The following PCDHA3 variants were observed in gnomAD, a reference collection of about 807,000 sequenced individuals.
PCDHA3 encodes the protein protocadherin alpha-3.
In PCDHA3, 41 loss-of-function variants were observed where a neutral mutation model predicts 62.2. The observed-to-expected ratio is 0.66, with a 90% CI of 0.51 to 0.86. PCDHA3 has a LOEUF of 0.86. Ranked by LOEUF, PCDHA3 falls within the 40% of genes least tolerant of loss-of-function variation. The pLI is 0.00. For synonymous variants in PCDHA3, 640 were observed against 555.4 expected (o/e 1.15, Z -2.14); for missense variants, 1,304 against 1,241.2 (o/e 1.05, Z -0.76).
In PCDHA3 at chr5:140,801,978, G is replaced by T. The variant is rs1199727898; in HGVS notation, c.781G>T (p.Val261Leu). Residue 261 changes from valine to leucine, a missense_variant, in exon 1 of 4, where the codon GTG becomes TTG. By Grantham distance (32) the Val-to-Leu change is conservative. Coordinates refer to ENST00000522353, the MANE Select transcript of PCDHA3 (RefSeq NM_018906.3). ...LLENAPNGTL[V>L]VTVNATDLDE... ...CGAAAATGCACCAAATGGTACCCTA[G>T]TGGTGACCGTTAACGCCACCGATTT... 1.2e-6 allele frequency: 2 copies of T among 1,614,070 alleles called. No homozygotes were observed. Among genetic ancestry groups the T allele is most frequent in the Non-Finnish European group, 1.7e-6 (2 of 1,180,048 alleles).
intron 1 of PCDHA3, among the ~76,000 whole-genome samples, chr5:140,889,948 A>G (rs956594809): frequency 6.6e-6 from 1 of 152,194 alleles, no homozygotes; most frequent in Admixed American, 6.6e-5. Flanking sequence ...TGAGAAGCCA[A>G]ATGGATAGAA....
chr5:140,968,089 C>T lies in PCDHA3; in HGVS notation c.2395-10860C>T, dbSNP rs546330069. ...CTGTCTACAACATCACGGTGACAGC[C>T]ACAGATGGGGGAATACCGCAGCTCA... On this transcript the variant is annotated intron_variant, in intron 1 of 3. Transcript: ENST00000522353. 120 of 1,614,126 alleles carry T rather than the reference C, an allele frequency of 7.4e-5. 1 individual carries two copies. The South Asian group carries it at 1.2e-3, about 16-fold the overall frequency.
rs139314570 is a variant in PCDHA3, at chr5:140,952,780, A to G, written c.2395-26169A>G. 2.0e-3 allele frequency among the ~76,000 whole-genome samples: 310 copies of G among 152,316 alleles called. 3 individuals are homozygous for G. The highest frequency in any genetic ancestry group is 7.3e-3 in the African/African-American group (302 of 41,572). On this transcript the variant is annotated intron_variant, in intron 1 of 3. Transcript: ENST00000522353. ...CTGAGACTGGATAATTTAGAAAGAA[A>G]AGAGGTTTAACTGGCTCGCAGTTCT... is the stretch of plus-strand genomic sequence containing the variant.
intron 2 of PCDHA3, 123 bp from the exon 3 acceptor site, chr5:140,982,352 G>A (rs1554244046): frequency 4.0e-6 from 6 of 1,507,640 alleles, no homozygotes; most frequent in Non-Finnish European, 5.3e-6. Context: ...TTCAGTTCAA[G>A]CATGAGCAGA....
intron 1 of PCDHA3, among the ~76,000 whole-genome samples, chr5:140,872,228 T>C (rs2053555588): frequency 6.6e-6 from 1 of 152,222 alleles, no homozygotes. Context: ...CAATCTTTAC[T>C]TTTGTCTTTA....
At chr5:140,877,109 G>T (rs370191624) in intron 1 of PCDHA3, 1 of 1,613,590 alleles carries the variant, frequency 6.2e-7, no homozygotes, top group South Asian at 1.1e-5. Flanking sequence ...CCGCCTCTGG[G>T]CAGCAACGTG....
intron 1 of PCDHA3, chr5:140,875,853 C>T (rs2055871558): frequency 6.2e-7 from 1 of 1,614,162 alleles, no homozygotes; most frequent in African/African-American, 1.3e-5. Flanking sequence ...AGGACATTAA[C>T]GACAACCCGC....
rs551502223 is a variant in PCDHA3 at position 140,976,924 on chromosome 5, T to G, written c.2395-2025T>G. ...TGTAATAAAGTGCAAAATCTAGTAC[T>G]GTGTAGCTACTTAAAACATATTATA... is the stretch of plus-strand genomic sequence containing the variant. On this transcript the variant is annotated intron_variant, in intron 1 of 3. Coordinates refer to ENST00000522353, the MANE Select transcript of PCDHA3 (RefSeq NM_018906.3). 1.6e-4 allele frequency among the ~76,000 whole-genome samples: 25 copies of G among 152,364 alleles called. No homozygotes were observed. In the South Asian group the frequency reaches 5.2e-3, roughly 32 times the overall value.
intron 1 of PCDHA3, chr5:140,876,863 T>C (rs1225401565): frequency 4.3e-6 from 7 of 1,613,806 alleles, no homozygotes; most frequent in Non-Finnish European, 5.1e-6. Flanking sequence ...ACAGTGTTCG[T>C]GAAGGAGAAC....
At chr5:140,989,865 C>T (rs1209207256) in intron 3 of PCDHA3, among the ~76,000 whole-genome samples, 1 of 152,034 alleles carries the variant, frequency 6.6e-6, no homozygotes, top group Non-Finnish European at 1.5e-5. Flanking sequence ...AGGAATCTTT[C>T]TCTGCCTCAG....
At position 140,944,452 on chromosome 5, in the gene PCDHA3, G is replaced by A. The variant is rs147335783; in HGVS notation, c.2395-34497G>A. 1.8e-3 allele frequency among the ~76,000 whole-genome samples: 280 copies of A among 152,282 alleles called. 3 individuals are homozygous for A. Among genetic ancestry groups the A allele is most frequent in the African/African-American group, 6.4e-3 (266 of 41,552 alleles). ...TCTGCCTGCCTCGGCCTCCCAAAGTGCTGGGATTACAGGTATGAGGCACTG... is the reference window on the plus strand; with the variant it reads ...TCTGCCTGCCTCGGCCTCCCAAAGTACTGGGATTACAGGTATGAGGCACTG... On this transcript the variant is annotated intron_variant, in intron 1 of 3. Coordinates refer to ENST00000522353, the MANE Select transcript of PCDHA3 (RefSeq NM_018906.3).
chr5:140,883,068 C>T lies in PCDHA3; in HGVS notation c.2394+79477C>T, dbSNP rs782726947. The stretch of plus-strand genomic sequence containing the variant: ...ACATTAGTGATCAAGCTAAATGCCA[C>T]AGATCCTGATGATGGTACAAATGGA... On this transcript the variant is annotated intron_variant, in intron 1 of 3. Coordinates refer to ENST00000522353, the MANE Select transcript of PCDHA3 (RefSeq NM_018906.3). The T allele has an allele frequency of 1.4e-5, 23 of 1,614,130 alleles. No homozygotes were observed. The highest frequency in any genetic ancestry group is 1.9e-5 in the Non-Finnish European group (23 of 1,180,028).
Position 140,848,523 on chromosome 5 carries a change from G to T in PCDHA3, c.2394+44932G>T, listed in dbSNP as rs1314273290. 2.8e-5 allele frequency: 45 copies of T among 1,593,246 alleles called. 8 individuals are homozygous for T. The highest frequency in any genetic ancestry group is 3.6e-5 in the Non-Finnish European group (42 of 1,164,214). Reference sequence around the variant, plus strand: ...GTTATACTCAAGTCGAGGAGATCCAGAGGGTCAGCCTCTACTGCTCTCGCT... The same window carrying T: ...GTTATACTCAAGTCGAGGAGATCCATAGGGTCAGCCTCTACTGCTCTCGCT... On this transcript the variant is annotated intron_variant, in intron 1 of 3. Transcript: ENST00000522353.
chr5:140,875,946 T>C, intron 1 of PCDHA3: 1 of 1,614,222 alleles, frequency 6.2e-7, no homozygotes, highest in Admixed American at 1.7e-5. Context: ...AGGGCGCTTC[T>C]GATGCGGATA....
rs191873949 is a variant in PCDHA3 at position 140,855,986 on chromosome 5, G to T, written c.2394+52395G>T. On this transcript the variant is annotated intron_variant, in intron 1 of 3. Transcript: ENST00000522353. ...AGATATAAGAAATAGGACAGAAAATGTCAGATCGTATGTGCGTTCTAGACC... is the reference window on the plus strand; with the variant it reads ...AGATATAAGAAATAGGACAGAAAATTTCAGATCGTATGTGCGTTCTAGACC... The T allele has an allele frequency of 1.8e-5, 27 of 1,477,576 alleles. 1 individual carries two copies. Among genetic ancestry groups the T allele is most frequent in the South Asian group, 1.6e-4 (12 of 75,402 alleles). The allele number at this position is 1,477,576 out of a possible 1,614,324, so 91.5% of individuals were successfully genotyped here. A position where few individuals can be genotyped will look rare whatever the true frequency, so the allele number is the denominator to read the frequency against.
rs1581182642 is a variant in PCDHA3 at position 140,849,406 on chromosome 5, T to A, written c.2394+45815T>A. ...GACCCCTTAAGTGGGGCAATCACAG[T>A]GATAGGACATATGGATTTTGAAGAA... On this transcript the variant is annotated intron_variant, in intron 1 of 3. Transcript: ENST00000522353. 1.3e-5 allele frequency: 20 copies of A among 1,558,610 alleles called. 3 individuals carry two copies. The highest frequency in any genetic ancestry group is 7.2e-5 in the African/African-American group (5 of 69,302).
At chr5:140,967,331 C>T (rs2096128497) in intron 1 of PCDHA3, 1 of 1,608,078 alleles carries the variant, frequency 6.2e-7, no homozygotes, top group African/African-American at 1.3e-5. Context: ...CGAGCTCAGC[C>T]CCAGCGAGCA....
rs2098422174 is a variant in PCDHA3 at position 141,011,893 on chromosome 5, T to G, written c.*1956T>G. On this transcript the variant is annotated 3_prime_UTR_variant, in exon 4 of 4. Coordinates refer to ENST00000522353, the MANE Select transcript of PCDHA3 (RefSeq NM_018906.3). ...CAATTTAGAAGTTTGATTAATTATATTATCTATTTAGGCATTAATATAAAA... is the reference window on the plus strand; with the variant it reads ...CAATTTAGAAGTTTGATTAATTATAGTATCTATTTAGGCATTAATATAAAA... The G allele has an allele frequency of 6.5e-6, 1 of 153,362 alleles. No individual in the cohort carries two copies. Among genetic ancestry groups the G allele is most frequent in the Admixed American group, 6.5e-5 (1 of 15,272 alleles). 9.5% of individuals were successfully genotyped at this position (153,362 alleles called of 1,614,324 possible). A position where few individuals can be genotyped will look rare whatever the true frequency, so the allele number is the denominator to read the frequency against.
intron 1 of PCDHA3, among the ~76,000 whole-genome samples, chr5:140,840,756 A>T (rs1776857330): frequency 2.6e-5 from 4 of 152,114 alleles, no homozygotes; most frequent in Non-Finnish European, 5.9e-5. Context: ...GAACACAAGA[A>T]GATAAAATGT....
Sources: gnomAD v4.1 joint callset for allele counts (sites outside exome capture counted in the v4.1 genomes callset) on GRCh38, gnomAD v4.1.1 for gene constraint, MANE v1.5 for transcripts, NCBI Gene and HGNC (gene_info 2026-07-23, HGNC 2026-07-21) for gene names.